TRIM44: variants seen among roughly 807,000 people sequenced by gnomAD.
TRIM44 encodes tripartite motif containing 44, also known as tripartite motif-containing protein 44.
TRIM44 carries 13 observed loss-of-function variants against 37.4 expected under a neutral mutation model. The observed-to-expected ratio is 0.35, with a 90% CI of 0.23 to 0.55. The LOEUF (loss-of-function observed/expected upper bound fraction) is 0.55, where lower values mean the gene tolerates loss of function less well. Among genes scored for constraint, TRIM44 ranks in the 20% least tolerant of loss-of-function variants. The pLI is 0.89. For missense variants in TRIM44, 426 were observed against 437.2 expected (o/e 0.97, Z 0.23); for synonymous variants, 175 against 157.2 (o/e 1.11, Z -0.85).
At chr11:35,761,403 C>CTATATA (rs202088061) in intron 4 of TRIM44, among the ~76,000 whole-genome samples, 2 of 97,346 alleles carry the variant, frequency 2.1e-5, no homozygotes, top group African/African-American at 7.2e-5. Flanking sequence ...CTCTCTCTCT[C>CTATATA]TCTATATATA....
chr11:35,746,174 A>G (rs1852487880), intron 4 of TRIM44, among the ~76,000 whole-genome samples: 1 of 152,136 alleles, frequency 6.6e-6, no homozygotes, highest in Non-Finnish European at 1.5e-5. Flanking sequence ...CTTCTTCCTT[A>G]TTTGTCTTCA....
intron 2 of TRIM44, among the ~76,000 whole-genome samples, chr11:35,687,830 C>T (rs1564951348): frequency 6.6e-6 from 1 of 152,118 alleles, no homozygotes; most frequent in South Asian, 2.1e-4. Context: ...TATACCTGCA[C>T]CTCTTTTTTA....
chr11:35,779,133 C>A lies in TRIM44; in HGVS notation c.1008-27225C>A, dbSNP rs543954763. On this transcript the variant is annotated intron_variant, in intron 4 of 4. Coordinates refer to ENST00000299413, the MANE Select transcript of TRIM44 (RefSeq NM_017583.6). The stretch of plus-strand genomic sequence containing the variant: ...CCAGCTGCTTTGTTTGCCACTCAAG[C>A]CTCAGCAAGTGGATGCCCTCCCCCA... Among the ~76,000 whole-genome samples, 5 of 152,324 alleles carry A rather than the reference C, an allele frequency of 3.3e-5. No homozygotes were observed. In the South Asian group the frequency reaches 1.0e-3, roughly 32 times the overall value.
intron 4 of TRIM44, among the ~76,000 whole-genome samples, chr11:35,778,150 C>G (rs1291345609): frequency 1.3e-5 from 2 of 152,074 alleles, no homozygotes; most frequent in East Asian, 1.9e-4. Context: ...AGGCTTTGTT[C>G]GTTTCTTTTT....
At chr11:35,778,654 C>T (rs868199605) in intron 4 of TRIM44, among the ~76,000 whole-genome samples, 3 of 152,132 alleles carry the variant, frequency 2.0e-5, no homozygotes, top group African/African-American at 7.2e-5. Flanking sequence ...TGTGGATGTC[C>T]TTTCTGTTTG....
intron 4 of TRIM44, among the ~76,000 whole-genome samples, chr11:35,743,010 A>G (rs1852432960): frequency 6.6e-6 from 1 of 151,846 alleles, no homozygotes; most frequent in Admixed American, 6.6e-5. Context: ...TCTCTGAAAA[A>G]AATGTTGGAT....
At chr11:35,738,051 G>T (rs1314197925) in intron 4 of TRIM44, among the ~76,000 whole-genome samples, 1 of 152,124 alleles carries the variant, frequency 6.6e-6, no homozygotes, top group East Asian at 1.9e-4. Flanking sequence ...ATCCAGTCCA[G>T]TCAGAGCCCT....
chr11:35,707,177 A>T (rs1265255079), intron 2 of TRIM44, among the ~76,000 whole-genome samples: 1 of 152,210 alleles, frequency 6.6e-6, no homozygotes, highest in African/African-American at 2.4e-5. Context: ...CTTCAAAGAG[A>T]ATACAATACC....
chr11:35,778,863 G>A (rs563745285), intron 4 of TRIM44, among the ~76,000 whole-genome samples: 3 of 152,296 alleles, frequency 2.0e-5, no homozygotes, highest in African/African-American at 7.2e-5. Flanking sequence ...CCCCTATTGG[G>A]AGTTCTCTAC....
At chr11:35,797,089 G>A (rs114760187) in intron 4 of TRIM44, among the ~76,000 whole-genome samples, 1,940 of 152,270 alleles carry the variant, frequency 0.013, 45 homozygotes, top group African/African-American at 0.044. Context: ...AGCTAAGCCT[G>A]AAGGCTGTGT....
At chr11:35,743,440 A>G (rs1273604288) in intron 4 of TRIM44, among the ~76,000 whole-genome samples, 1 of 152,150 alleles carries the variant, frequency 6.6e-6, no homozygotes, top group Non-Finnish European at 1.5e-5. Context: ...CTTTCTTTAC[A>G]TTTTTGTTTC....
At chr11:35,693,949 T>C (rs1461062314) in intron 2 of TRIM44, among the ~76,000 whole-genome samples, 1 of 152,098 alleles carries the variant, frequency 6.6e-6, no homozygotes, top group Non-Finnish European at 1.5e-5. Context: ...TGGAGTATGC[T>C]CCTTACCCAG....
chr11:35,726,674 T>C (rs1303901232), intron 3 of TRIM44, among the ~76,000 whole-genome samples: 1 of 78,778 alleles, frequency 1.3e-5, no homozygotes, highest in African/African-American at 6.5e-5. Context: ...CACTAGGGCA[T>C]TGTAAGATTA....
intron 4 of TRIM44, among the ~76,000 whole-genome samples, chr11:35,753,588 C>G (rs964714593): frequency 2.6e-5 from 4 of 152,146 alleles, no homozygotes; most frequent in African/African-American, 4.8e-5. Flanking sequence ...TAATGACAGG[C>G]AAGTATTCTC....
intron 2 of TRIM44, among the ~76,000 whole-genome samples, chr11:35,693,298 C>T (rs1203023838): frequency 6.6e-6 from 1 of 152,026 alleles, no homozygotes; most frequent in African/African-American, 2.4e-5. Flanking sequence ...TTAACAATTC[C>T]CCCCTTTTGG....
intron 4 of TRIM44, among the ~76,000 whole-genome samples, chr11:35,805,829 T>C (rs577285457): frequency 3.3e-5 from 5 of 152,328 alleles, no homozygotes; most frequent in African/African-American, 1.2e-4. Flanking sequence ...TCCTACTTAG[T>C]AGAGTACCTT....
chr11:35,739,979 A>G (rs181029443), intron 4 of TRIM44, among the ~76,000 whole-genome samples: 44 of 151,774 alleles, frequency 2.9e-4, no homozygotes, highest in African/African-American at 1.0e-3. Flanking sequence ...TGTGCCTATA[A>G]TCCCAGCTAC....
chr11:35,720,909 C>CTTTT (rs549626841), intron 2 of TRIM44, among the ~76,000 whole-genome samples: 3 of 138,022 alleles, frequency 2.2e-5, no homozygotes, highest in African/African-American at 7.9e-5. Context: ...GTATATAATT[C>CTTTT]TTTTTTTTTT....
At position 35,706,181 on chromosome 11, in the gene TRIM44, T is replaced by C. The variant is rs556557221; in HGVS notation, c.748-19743T>C. 1.3e-5 allele frequency among the ~76,000 whole-genome samples: 2 copies of C among 148,898 alleles called. 1 individual carries two copies. Among genetic ancestry groups the C allele is most frequent in the East Asian group, 3.9e-4 (2 of 5,106 alleles). On this transcript the variant is annotated intron_variant, in intron 2 of 4. Transcript: ENST00000299413. ...ATCTAGAAGAAATGGATAAATTCCT[T>C]GACACATGCACCCTCCCAAGACTAA...
Sources: allele counts gnomAD v4.1 joint callset (sites outside exome capture counted in the v4.1 genomes callset), GRCh38; gene constraint gnomAD v4.1.1; transcripts MANE v1.5; gene names NCBI Gene and HGNC (gene_info 2026-07-23, HGNC 2026-07-21).